The following BBS7 variants were observed in gnomAD, a reference collection of about 807,000 sequenced individuals.
The protein encoded by BBS7 is BBSome complex member BBS7.
A neutral mutation model predicts 90.3 loss-of-function variants in BBS7; 50 were observed. The observed-to-expected ratio is 0.55, with a 90% CI of 0.44 to 0.70. The LOEUF (loss-of-function observed/expected upper bound fraction) is 0.70, where lower values mean the gene tolerates loss of function less well. Ranked by LOEUF, BBS7 falls within the 30% of genes least tolerant of loss-of-function variation. The pLI is 0.00. For synonymous variants in BBS7, 235 were observed against 287.4 expected (o/e 0.82, Z 1.85); for missense variants, 729 against 838.9 (o/e 0.87, Z 1.62).
At chr4:121,847,720 A>ATT (rs138600293) in intron 9 of BBS7, among the ~76,000 whole-genome samples, 5 of 149,190 alleles carry the variant, frequency 3.4e-5, no homozygotes, top group African/African-American at 1.2e-4. Flanking sequence ...TCACGATATC[A>ATT]TTTTTTTTTT....
chr4:121,854,463 C>G (rs1726490971), intron 7 of BBS7, among the ~76,000 whole-genome samples: 1 of 151,988 alleles, frequency 6.6e-6, no homozygotes, highest in African/African-American at 2.4e-5. Context: ...TGGATTTTAG[C>G]ATAAAATGAT....
rs375825705 is a variant in BBS7 at position 121,825,900 on chromosome 4, T to C, written c.2108A>G (p.Tyr703Cys). Residue 703 changes from tyrosine (Y) to cysteine (C), a missense_variant, in exon 19 of 19, where the codon TAT becomes TGT. By Grantham distance (194) the Tyr-to-Cys change is radical (BLOSUM62 -2). Transcript: ENST00000264499. ...GAATGAAATCAATGCATTTTGGTCATAACTGTCCAGAATTTCCAATAGAAG... is the reference window on the plus strand; with the variant it reads ...GAATGAAATCAATGCATTTTGGTCACAACTGTCCAGAATTTCCAATAGAAG... The part of the protein sequence containing the change: ...VPLLLEILDS[Y>C]DQNALISFFD... 1.9e-5 allele frequency: 30 copies of C among 1,613,156 alleles called. No individual in the cohort carries two copies. In the African/African-American group the frequency reaches 3.5e-4, roughly 19 times the overall value.
In BBS7 at chr4:121,863,296, A is replaced by T; in HGVS notation, c.103-17T>A. The T allele has an allele frequency of 6.3e-7, 1 of 1,589,454 alleles. No individual in the cohort carries two copies. Among genetic ancestry groups the T allele is most frequent in the Non-Finnish European group, 8.6e-7 (1 of 1,158,296 alleles). On this transcript the variant is annotated splice_polypyrimidine_tract_variant and intron_variant, in intron 2 of 18. Coordinates refer to ENST00000264499, the MANE Select transcript of BBS7 (RefSeq NM_176824.3). ...AATAACCACCTGTAATAGATGGAAG[A>T]TAATCTAAAATTACTATTATTAATA...
intron 15 of BBS7, among the ~76,000 whole-genome samples, chr4:121,831,226 T>G (rs1435737070): frequency 6.6e-6 from 1 of 151,602 alleles, no homozygotes; most frequent in Non-Finnish European, 1.5e-5. Flanking sequence ...AAATAAAAAA[T>G]AAAAAATTAT....
At chr4:121,863,538 T>C (rs1727099587) in intron 2 of BBS7, among the ~76,000 whole-genome samples, 2 of 152,186 alleles carry the variant, frequency 1.3e-5, no homozygotes, top group Non-Finnish European at 2.9e-5. Flanking sequence ...TATTTTGTTT[T>C]GCTTTTTTTC....
chr4:121,848,168 G>A (rs1336761339), intron 9 of BBS7, among the ~76,000 whole-genome samples: 1 of 152,066 alleles, frequency 6.6e-6, no homozygotes, highest in Non-Finnish European at 1.5e-5. Flanking sequence ...TTTTAATGCT[G>A]TAAGTAAGAG....
intron 18 of BBS7, among the ~76,000 whole-genome samples, 183 bp from the exon 19 acceptor site, chr4:121,826,176 C>T (rs935055037): frequency 6.6e-6 from 1 of 152,140 alleles, no homozygotes; most frequent in African/African-American, 2.4e-5. Flanking sequence ...AAACAAGTTT[C>T]AAGATATAAA....
At position 121,855,481 on chromosome 4, in the gene BBS7, C is replaced by T. The variant is rs1726560365; in HGVS notation, c.601+8G>A. 6.2e-7 allele frequency: 1 copy of T among 1,611,936 alleles called. No homozygotes were observed. The highest frequency in any genetic ancestry group is 1.3e-5 in the African/African-American group (1 of 74,964). On this transcript the variant is annotated splice_region_variant and intron_variant, in intron 6 of 18. Transcript: ENST00000264499. ...TAGTTGATTTGTGAAAAATAAAATC[C>T]TGATTACCGCCATTTCCATTGTGTA...
In BBS7 at chr4:121,870,401, G is replaced by C. The variant is rs970508458; in HGVS notation, c.-88C>G. The C allele has an allele frequency of 1.7e-5, 26 of 1,505,130 alleles. No homozygotes were observed. Among genetic ancestry groups the C allele is most frequent in the Non-Finnish European group, 2.3e-5 (25 of 1,086,656 alleles). The allele number at this position is 1,505,130 out of a possible 1,614,324, so 93.2% of individuals were successfully genotyped here. A position where few individuals can be genotyped will look rare whatever the true frequency, so the allele number is the denominator to read the frequency against. ...CCGCAGGCCTCCGACCCAGTCAGAA[G>C]GCTGCCCGCGCCCCTCAAAAGCCAG... On this transcript the variant is annotated 5_prime_UTR_variant, in exon 1 of 19. Coordinates refer to ENST00000264499, the MANE Select transcript of BBS7 (RefSeq NM_176824.3).
chr4:121,846,958 T>C (rs1448674022), intron 10 of BBS7, among the ~76,000 whole-genome samples: 3 of 152,134 alleles, frequency 2.0e-5, no homozygotes, highest in Non-Finnish European at 4.4e-5. Flanking sequence ...AATTCCTGTG[T>C]CTAGGGGAGT....
At chr4:121,861,368 T>C in intron 4 of BBS7, 136 bp downstream of exon 4, 1 of 845,550 alleles carries the variant, frequency 1.2e-6, no homozygotes, top group Non-Finnish European at 1.8e-6. Context: ...TCAAATTTAG[T>C]TTCTGACTAA....
rs995657018 is a variant in BBS7 at position 121,845,356 on chromosome 4, A to C, written c.1230+148T>G. On this transcript the variant is annotated intron_variant, in intron 11 of 18. Transcript: ENST00000264499. ...GCACTCCAGTCTAGGTGACAGAGTA[A>C]AACTCTGTCTCAAAAAAATAAAAAT... 1.4e-4 allele frequency: 58 copies of C among 414,888 alleles called. No individual in the cohort carries two copies. In the Middle Eastern group the frequency reaches 2.8e-3, roughly 20 times the overall value. 25.7% of individuals were successfully genotyped at this position (414,888 alleles called of 1,614,324 possible). A position where few individuals can be genotyped will look rare whatever the true frequency, so the allele number is the denominator to read the frequency against.
chr4:121,841,544 T>G (rs1207293837), intron 12 of BBS7, among the ~76,000 whole-genome samples: 2 of 151,922 alleles, frequency 1.3e-5, no homozygotes, highest in African/African-American at 4.8e-5. Context: ...CCAGCCTGGG[T>G]GACACAGTAA....
intron 1 of BBS7, among the ~76,000 whole-genome samples, chr4:121,868,661 C>T (rs1389628920): frequency 8.5e-5 from 9 of 105,714 alleles, no homozygotes; most frequent in African/African-American, 2.7e-4. Context: ...AGACTGGCTG[C>T]GTGACAGAAC....
At chr4:121,862,200 T>TA (rs1727019702) in intron 3 of BBS7, among the ~76,000 whole-genome samples, 1 of 152,206 alleles carries the variant, frequency 6.6e-6, no homozygotes, top group Non-Finnish European at 1.5e-5. Flanking sequence ...TTTTAATAGT[T>TA]AAAGGACTAT....
intron 15 of BBS7, among the ~76,000 whole-genome samples, chr4:121,829,426 G>C (rs1329598044): frequency 6.6e-6 from 1 of 151,926 alleles, no homozygotes; most frequent in Non-Finnish European, 1.5e-5. Flanking sequence ...GAGTAGAGAT[G>C]GGGGTCTCAC....
At chr4:121,831,610 C>T (rs1410958596) in intron 15 of BBS7, among the ~76,000 whole-genome samples, 1 of 152,088 alleles carries the variant, frequency 6.6e-6, no homozygotes, top group East Asian at 1.9e-4. Context: ...GTTGAATTGT[C>T]TGCTATGATT....
At chr4:121,838,085 C>T (rs1420067371) in intron 13 of BBS7, among the ~76,000 whole-genome samples, 1 of 147,118 alleles carries the variant, frequency 6.8e-6, no homozygotes, top group African/African-American at 2.5e-5. Context: ...GTCTGGGCGA[C>T]AGAGCAAGAC....
At chr4:121,866,677 A>G (rs181626034) in intron 2 of BBS7, among the ~76,000 whole-genome samples, 68 of 152,268 alleles carry the variant, frequency 4.5e-4, no homozygotes, top group Non-Finnish European at 5.1e-4. Flanking sequence ...CCATTTATTG[A>G]AGAGGCTGTC....
Sources: allele counts gnomAD v4.1 joint callset (sites outside exome capture counted in the v4.1 genomes callset), GRCh38; gene constraint gnomAD v4.1.1; transcripts MANE v1.5; gene names NCBI Gene and HGNC (gene_info 2026-07-23, HGNC 2026-07-21).